Variants in IMMP2L observed in about 807,000 individuals in gnomAD.
IMMP2L encodes the protein inner mitochondrial membrane peptidase subunit 2, also known as mitochondrial inner membrane protease subunit 2.
Under a neutral mutation model 19.3 loss-of-function variants are expected in IMMP2L, and 18 were observed. That is an observed-to-expected ratio of 0.93 (90% CI 0.64 to 1.38). The LOEUF (loss-of-function observed/expected upper bound fraction) is 1.38. IMMP2L is among the 40% of genes most tolerant of loss of function. IMMP2L has a pLI of 0.00. For missense variants in IMMP2L, 233 were observed against 218.2 expected (o/e 1.07, Z -0.43); for synonymous variants, 76 against 73.0 (o/e 1.04, Z -0.21).
chr7:111,370,059 A>C (rs1029840243), intron 3 of IMMP2L, among the ~76,000 whole-genome samples: 3 of 151,992 alleles, frequency 2.0e-5, no homozygotes, highest in African/African-American at 7.2e-5. Context: ...AAATTTTATA[A>C]AAAATATCAA....
At chr7:111,255,396 G>A (rs940386045) in intron 3 of IMMP2L, among the ~76,000 whole-genome samples, 2 of 152,016 alleles carry the variant, frequency 1.3e-5, no homozygotes, top group Non-Finnish European at 2.9e-5. Context: ...GTGAGAGAAA[G>A]GAGGGTGATG....
At chr7:111,445,191 T>C (rs560811712) in intron 3 of IMMP2L, among the ~76,000 whole-genome samples, 1 of 152,096 alleles carries the variant, frequency 6.6e-6, no homozygotes, top group South Asian at 2.1e-4. Context: ...GAAAAAAAAG[T>C]CGTGCTCTTA....
At chr7:111,067,049 A>C (rs1412760060) in intron 3 of IMMP2L, among the ~76,000 whole-genome samples, 2 of 152,186 alleles carry the variant, frequency 1.3e-5, no homozygotes, top group African/African-American at 4.8e-5. Flanking sequence ...TCCTGATTCC[A>C]CAGGGAAAGA....
At chr7:110,672,537 C>T (rs1224764537) in intron 5 of IMMP2L, among the ~76,000 whole-genome samples, 2 of 152,148 alleles carry the variant, frequency 1.3e-5, no homozygotes, top group South Asian at 2.1e-4. Context: ...AAGTCTAAGT[C>T]CAAAGTCTCA....
chr7:110,685,430 C>T (rs1437520227), intron 5 of IMMP2L, among the ~76,000 whole-genome samples: 2 of 152,076 alleles, frequency 1.3e-5, no homozygotes, highest in African/African-American at 4.8e-5. Context: ...CTATGGCAGC[C>T]CCATAGAAAG....
chr7:111,426,018 A>AT (rs2131640035), intron 3 of IMMP2L, among the ~76,000 whole-genome samples: 1 of 151,362 alleles, frequency 6.6e-6, no homozygotes, highest in South Asian at 2.1e-4. Flanking sequence ...ATTAACTGCT[A>AT]TAAAAACACG....
At chr7:111,352,332 G>C (rs1263800014) in intron 3 of IMMP2L, among the ~76,000 whole-genome samples, 2 of 151,478 alleles carry the variant, frequency 1.3e-5, no homozygotes, top group Non-Finnish European at 2.9e-5. Flanking sequence ...CCAAGTAGCT[G>C]GGTAATGCAG....
chr7:111,531,112 C>T (rs757988007), intron 1 of IMMP2L, among the ~76,000 whole-genome samples: 4 of 151,696 alleles, frequency 2.6e-5, no homozygotes, highest in Admixed American at 1.3e-4. Context: ...CCACCACGCC[C>T]GGCTAATTTT....
chr7:110,947,749 T>A (rs935319792), intron 4 of IMMP2L, among the ~76,000 whole-genome samples: 4 of 152,198 alleles, frequency 2.6e-5, no homozygotes, highest in Non-Finnish European at 5.9e-5. Context: ...GCTTCAGAAG[T>A]ATTCTTTGGA....
chr7:110,872,101 C>A (rs1388680493), intron 5 of IMMP2L, among the ~76,000 whole-genome samples: 2 of 152,070 alleles, frequency 1.3e-5, no homozygotes, highest in African/African-American at 4.8e-5. Flanking sequence ...TTTAGTTGCA[C>A]TGAATTTGAA....
intron 3 of IMMP2L, among the ~76,000 whole-genome samples, chr7:111,107,368 C>A (rs1349988794): frequency 6.6e-6 from 1 of 152,024 alleles, no homozygotes; most frequent in Non-Finnish European, 1.5e-5. Context: ...CTGTTGTAAA[C>A]AGTTTAGATT....
intron 5 of IMMP2L, among the ~76,000 whole-genome samples, chr7:110,876,788 A>T (rs1477891793): frequency 6.6e-6 from 1 of 151,998 alleles, no homozygotes; most frequent in Non-Finnish European, 1.5e-5. Flanking sequence ...CTAATCTTTC[A>T]TTCATAATTT....
chr7:110,791,020 A>G (rs1450138687), intron 5 of IMMP2L, among the ~76,000 whole-genome samples: 2 of 151,614 alleles, frequency 1.3e-5, no homozygotes, highest in Non-Finnish European at 1.5e-5. Flanking sequence ...AACCATCAAG[A>G]AAATTCCATA....
chr7:111,124,387 G>C (rs1367342863), intron 3 of IMMP2L: 1 of 1,613,636 alleles, frequency 6.2e-7, no homozygotes. Flanking sequence ...TTCAGTTTTG[G>C]TGTCCTGGAA....
chr7:111,326,656 T>A (rs1035563136), intron 3 of IMMP2L, among the ~76,000 whole-genome samples: 1 of 151,718 alleles, frequency 6.6e-6, no homozygotes, highest in African/African-American at 2.4e-5. Context: ...AATTCACACC[T>A]GCTAGGATGG....
At chr7:110,936,149 C>T (rs1816088440) in intron 4 of IMMP2L, among the ~76,000 whole-genome samples, 1 of 152,160 alleles carries the variant, frequency 6.6e-6, no homozygotes, top group Non-Finnish European at 1.5e-5. Flanking sequence ...GCAAAGACTT[C>T]ATGACTAAAA....
intron 3 of IMMP2L, among the ~76,000 whole-genome samples, chr7:111,149,519 A>C (rs1033108725): frequency 6.6e-6 from 1 of 152,188 alleles, no homozygotes; most frequent in African/African-American, 2.4e-5. Context: ...GTCAATTAAC[A>C]CATAAATAAA....
rs76490213 is a variant in IMMP2L, at chr7:111,352,662, T to C, written c.239+134576A>G. Among the ~76,000 whole-genome samples, 1,333 of 152,246 alleles carry C rather than the reference T, an allele frequency of 8.8e-3. 24 individuals are homozygous for C. The highest frequency in any genetic ancestry group is 0.03 in the African/African-American group (1,255 of 41,550). ...TATGCTCATCTTAAGAATTCATGACTTCTCATCCTTCTCTTCCCTAAGGTG... is the reference window on the plus strand; with the variant it reads ...TATGCTCATCTTAAGAATTCATGACCTCTCATCCTTCTCTTCCCTAAGGTG... On this transcript the variant is annotated intron_variant, in intron 3 of 5. Transcript: ENST00000405709.
At chr7:110,966,498 A>C (rs1032217169) in intron 3 of IMMP2L, among the ~76,000 whole-genome samples, 2 of 148,508 alleles carry the variant, frequency 1.3e-5, no homozygotes, top group Non-Finnish European at 3.0e-5. Flanking sequence ...CAGTGTAAAA[A>C]ATATTTTATG....
Sources: gnomAD v4.1 joint callset for allele counts (sites outside exome capture counted in the v4.1 genomes callset) on GRCh38, gnomAD v4.1.1 for gene constraint, MANE v1.5 for transcripts, NCBI Gene and HGNC (gene_info 2026-07-23, HGNC 2026-07-21) for gene names.